Variants in MICU1 observed in about 807,000 individuals in gnomAD.
MICU1 encodes the protein calcium uptake protein 1, mitochondrial.
In MICU1, 45 loss-of-function variants were observed where a neutral mutation model predicts 56.8. The observed-to-expected ratio is 0.79, with a 90% CI of 0.62 to 1.02. MICU1 has a LOEUF of 1.02. Among genes scored for constraint, MICU1 ranks in the 50% least tolerant of loss-of-function variants. The pLI is 0.00. For missense variants in MICU1, 504 were observed against 587.1 expected (o/e 0.86, Z 1.46); for synonymous variants, 186 against 195.1 (o/e 0.95, Z 0.39).
chr10:72,572,727 C>A (rs901438295), intron 1 of MICU1, among the ~76,000 whole-genome samples: 1 of 152,068 alleles, frequency 6.6e-6, no homozygotes, highest in Non-Finnish European at 1.5e-5. Context: ...CTTAATCTCA[C>A]TCATAATAAA....
intron 5 of MICU1, among the ~76,000 whole-genome samples, chr10:72,522,439 A>G (rs1317653211): frequency 1.3e-5 from 2 of 152,322 alleles, no homozygotes; most frequent in African/African-American, 4.8e-5. Flanking sequence ...GGATGTAAAG[A>G]TATTTTAATA....
chr10:72,606,439 G>A (rs1477913394), intron 1 of MICU1, among the ~76,000 whole-genome samples: 1 of 151,980 alleles, frequency 6.6e-6, no homozygotes, highest in Non-Finnish European at 1.5e-5. Flanking sequence ...CTTGAACCCA[G>A]GAGGCAGAGG....
At chr10:72,530,830 C>T (rs1839460410) in intron 5 of MICU1, among the ~76,000 whole-genome samples, 1 of 152,070 alleles carries the variant, frequency 6.6e-6, no homozygotes, top group Non-Finnish European at 1.5e-5. Context: ...TACAGGGAAC[C>T]TTCTAGTTAA....
intron 6 of MICU1, among the ~76,000 whole-genome samples, chr10:72,498,499 T>C (rs1032777633): frequency 7.9e-5 from 12 of 152,230 alleles, no homozygotes; most frequent in African/African-American, 2.9e-4. Flanking sequence ...GGAAGGAGAA[T>C]GGCTTGAACC....
At chr10:72,432,064 T>C (rs561816164) in intron 8 of MICU1, among the ~76,000 whole-genome samples, 35 of 151,538 alleles carry the variant, frequency 2.3e-4, no homozygotes, top group Non-Finnish European at 4.7e-4. Context: ...ATTAAAAATA[T>C]TTGCTTTTTG....
chr10:72,559,623 T>C (rs1356741304), intron 3 of MICU1, among the ~76,000 whole-genome samples: 1 of 152,126 alleles, frequency 6.6e-6, no homozygotes, highest in Non-Finnish European at 1.5e-5. Context: ...CTCACAAGTT[T>C]GAAACCATCC....
intron 6 of MICU1, among the ~76,000 whole-genome samples, chr10:72,488,644 T>C (rs1163857719): frequency 3.3e-5 from 5 of 152,210 alleles, no homozygotes; most frequent in East Asian, 1.9e-4. Context: ...ATTTTTTTTT[T>C]CCCCACTGCT....
chr10:72,471,195 C>A (rs561671774), intron 8 of MICU1, among the ~76,000 whole-genome samples: 3 of 152,308 alleles, frequency 2.0e-5, no homozygotes, highest in South Asian at 4.1e-4. Context: ...AGCGATTCCC[C>A]TGCCTCAGCC....
intron 3 of MICU1, 42 bp from the exon 4 acceptor site, chr10:72,551,383 G>A: frequency 1.5e-6 from 2 of 1,335,976 alleles, no homozygotes; most frequent in Non-Finnish European, 2.0e-6. Flanking sequence ...ATTAAGCAAT[G>A]CTCATATGCT....
At chr10:72,502,804 T>C (rs1867123895) in intron 6 of MICU1, 1 of 154,304 alleles carries the variant, frequency 6.5e-6, no homozygotes, top group African/African-American at 2.4e-5. Flanking sequence ...TCAATGTCAT[T>C]TCTCATATTT....
intron 5 of MICU1, among the ~76,000 whole-genome samples, 174 bp downstream of exon 5, chr10:72,533,572 C>T (rs959780657): frequency 6.6e-6 from 1 of 152,114 alleles, no homozygotes; most frequent in South Asian, 2.1e-4. Context: ...AAATATAGAA[C>T]CTTCTGCCTC....
Position 72,566,765 on chromosome 10 carries a change from A to G in MICU1, c.29T>C (p.Leu10Ser). The change falls in exon 2 of 12, where the codon TTG becomes TCG. Residue 10 changes from leucine to serine, a missense_variant. Leu to Ser is a moderately radical substitution (Grantham distance 145, BLOSUM62 -2). Coordinates refer to ENST00000361114, the MANE Select transcript of MICU1 (RefSeq NM_001195518.2). MFRLNSLSA[L>S]AELAVGSRWY... ...TCGAGAACCCACAGCCAGTTCTGCCAAAGCAGAAAGTGAGTTCAGACGAAA... is the reference window on the plus strand; with the variant it reads ...TCGAGAACCCACAGCCAGTTCTGCCGAAGCAGAAAGTGAGTTCAGACGAAA... 1 of 1,612,324 alleles carries G rather than the reference A, an allele frequency of 6.2e-7. No homozygotes were observed. Among genetic ancestry groups the G allele is most frequent in the Non-Finnish European group, 8.5e-7 (1 of 1,179,276 alleles).
At chr10:72,624,642 AG>A (rs1325672008) in intron 1 of MICU1, among the ~76,000 whole-genome samples, 11 of 152,176 alleles carry the variant, frequency 7.2e-5, no homozygotes, top group African/African-American at 2.4e-4. Flanking sequence ...CTTTCTCCTC[AG>A]GCACACAAGC....
chr10:72,532,979 T>TC lies in MICU1; in HGVS notation c.537+766dup, dbSNP rs1317408712. On this transcript the variant is annotated intron_variant, in intron 5 of 11. Coordinates refer to ENST00000361114, the MANE Select transcript of MICU1 (RefSeq NM_001195518.2). ...CCCTGACCTCTCCCCATCTAGACCCTCTTTTGTGATCCTGCCTTTTCCAGC... is the reference window on the plus strand; with the variant it reads ...CCCTGACCTCTCCCCATCTAGACCCTCCTTTTGTGATCCTGCCTTTTCCAGC... 2.3e-6 allele frequency: 3 copies of TC among 1,282,090 alleles called. No homozygotes were observed. In the African/African-American group the frequency reaches 4.6e-5, roughly 20 times the overall value. 79.4% of individuals were successfully genotyped at this position (1,282,090 alleles called of 1,614,324 possible). A position where few individuals can be genotyped will look rare whatever the true frequency, so the allele number is the denominator to read the frequency against.
intron 6 of MICU1, among the ~76,000 whole-genome samples, chr10:72,505,829 G>T (rs1867228393): frequency 6.6e-6 from 1 of 152,174 alleles, no homozygotes. Context: ...GAGCGGGAGG[G>T]GGACAAGGGC....
intron 5 of MICU1, among the ~76,000 whole-genome samples, chr10:72,518,245 G>A (rs752627668): frequency 1.8e-4 from 27 of 151,990 alleles, no homozygotes; most frequent in Admixed American, 8.5e-4. Context: ...TGTTGGCCAG[G>A]CTGGTCTCAA....
In MICU1 at chr10:72,533,793, T is replaced by A; in HGVS notation, c.494-4A>T. ...ATATATTGATCCAGACCCAAGTCTG[T>A]AAAAGAAAAGGAAAAAACATTTAGC... On this transcript the variant is annotated splice_polypyrimidine_tract_variant and splice_region_variant and intron_variant, in intron 4 of 11. Coordinates refer to ENST00000361114, the MANE Select transcript of MICU1 (RefSeq NM_001195518.2). The A allele has an allele frequency of 6.3e-7, 1 of 1,581,368 alleles. No individual in the cohort carries two copies. Among genetic ancestry groups the A allele is most frequent in the Non-Finnish European group, 8.6e-7 (1 of 1,163,998 alleles).
chr10:72,566,863 C>G, intron 1 of MICU1, 69 bp from the exon 2 acceptor site: 1 of 1,345,606 alleles, frequency 7.4e-7, no homozygotes, highest in South Asian at 1.4e-5. Flanking sequence ...GATGATCCTA[C>G]CAACATTTCT....
intron 9 of MICU1, among the ~76,000 whole-genome samples, chr10:72,417,782 A>G (rs1479049426): frequency 6.6e-6 from 1 of 152,206 alleles, no homozygotes; most frequent in Non-Finnish European, 1.5e-5. Context: ...ACAGCTAGAG[A>G]CACTGATGGA....
Sources: gnomAD v4.1 joint callset for allele counts (sites outside exome capture counted in the v4.1 genomes callset) on GRCh38, gnomAD v4.1.1 for gene constraint, MANE v1.5 for transcripts, NCBI Gene and HGNC (gene_info 2026-07-23, HGNC 2026-07-21) for gene names.